NFIA: variants seen among roughly 807,000 people sequenced by gnomAD.
The protein encoded by NFIA is nuclear factor I A.
In NFIA, 8 loss-of-function variants were observed where a neutral mutation model predicts 62.8. The observed-to-expected ratio is 0.13, with a 90% CI of 0.07 to 0.23. The LOEUF (loss-of-function observed/expected upper bound fraction) is 0.23. NFIA is among the 10% of genes least tolerant of loss of function. The pLI is 1.00. For synonymous variants in NFIA, 235 were observed against 238.1 expected (o/e 0.99, Z 0.12); for missense variants, 410 against 642.1 (o/e 0.64, Z 3.91).
chr1:61,380,852 A>C (rs951406539), intron 6 of NFIA, among the ~76,000 whole-genome samples: 1 of 152,060 alleles, frequency 6.6e-6, no homozygotes, highest in Admixed American at 6.6e-5. Flanking sequence ...AAATTTTGCT[A>C]TTTTTGAACT....
chr1:61,201,893 C>T (rs922323686), intron 2 of NFIA, among the ~76,000 whole-genome samples: 2 of 152,004 alleles, frequency 1.3e-5, no homozygotes, highest in African/African-American at 2.4e-5. Context: ...ATAAAGTATG[C>T]TGACATTGTT....
chr1:61,214,210 G>A (rs1653457824), intron 2 of NFIA, among the ~76,000 whole-genome samples: 2 of 152,138 alleles, frequency 1.3e-5, no homozygotes, highest in Admixed American at 1.3e-4. Flanking sequence ...CATCTTTGTG[G>A]TCAGGAGGGG....
chr1:61,200,164 G>A (rs1251612864), intron 2 of NFIA, among the ~76,000 whole-genome samples: 1 of 149,790 alleles, frequency 6.7e-6, no homozygotes, highest in East Asian at 2.0e-4. Flanking sequence ...ACAGCAGGAG[G>A]CAGTGCAGTC....
chr1:61,372,237 A>G (rs1380230114), intron 6 of NFIA, among the ~76,000 whole-genome samples: 1 of 152,162 alleles, frequency 6.6e-6, no homozygotes, highest in East Asian at 1.9e-4. Context: ...AAGAAACCCA[A>G]CAAAGACTAT....
intron 2 of NFIA, among the ~76,000 whole-genome samples, chr1:61,272,130 G>A (rs1372823702): frequency 6.6e-6 from 1 of 151,750 alleles, no homozygotes; most frequent in African/African-American, 2.4e-5. Context: ...ATTTAGTAAT[G>A]GTGTTACAGA....
At chr1:61,200,010 G>GTGTATA (rs1264243831) in intron 2 of NFIA, among the ~76,000 whole-genome samples, 2 of 52,828 alleles carry the variant, frequency 3.8e-5, no homozygotes, top group Non-Finnish European at 7.8e-5. Flanking sequence ...ATATATATAT[G>GTGTATA]TATATATATA....
At chr1:61,408,757 TACTA>T (rs889840202) in intron 9 of NFIA, among the ~76,000 whole-genome samples, 5 of 152,336 alleles carry the variant, frequency 3.3e-5, no homozygotes, top group African/African-American at 4.8e-5. Context: ...CCTTTCAAAT[TACTA>T]ACTGTGTTTC....
intron 2 of NFIA, among the ~76,000 whole-genome samples, chr1:61,239,598 T>A (rs1327177547): frequency 6.6e-6 from 1 of 152,140 alleles, no homozygotes; most frequent in Non-Finnish European, 1.5e-5. Context: ...TAAAATTGTG[T>A]TTGTAAGGTG....
intron 2 of NFIA, among the ~76,000 whole-genome samples, chr1:61,219,860 G>A (rs917049712): frequency 1.3e-5 from 2 of 152,180 alleles, no homozygotes; most frequent in Non-Finnish European, 2.9e-5. Context: ...CTACTCAGGA[G>A]GCTGAGGCAG....
At chr1:61,190,422 C>A (rs1651538267) in intron 2 of NFIA, among the ~76,000 whole-genome samples, 1 of 152,204 alleles carries the variant, frequency 6.6e-6, no homozygotes, top group Admixed American at 6.5e-5. Context: ...AGGCCATGTT[C>A]CTGAGTTGTG....
chr1:61,082,923 C>A, intron 1 of NFIA, 105 bp downstream of exon 1: 3 of 1,011,386 alleles, frequency 3.0e-6, no homozygotes, highest in Non-Finnish European at 3.7e-6. Flanking sequence ...GGGCCCAGGG[C>A]GTGCGTCTCG....
At chr1:61,175,960 C>T (rs949607975) in intron 2 of NFIA, among the ~76,000 whole-genome samples, 6 of 152,122 alleles carry the variant, frequency 3.9e-5, no homozygotes, top group Admixed American at 1.3e-4. Flanking sequence ...CAGAGTGCCC[C>T]GGGCTATCTT....
At position 61,289,300 on chromosome 1, in the gene NFIA, C is replaced by T. The variant is rs139846159; in HGVS notation, c.625+11715C>T. On this transcript the variant is annotated intron_variant, in intron 3 of 10. Coordinates refer to ENST00000403491, the MANE Select transcript of NFIA (RefSeq NM_001134673.4). ...CCTTGCAACAGGTGGTCAGGGTGGACCATTTTTATTCATGGCCACCAGAGC... is the reference window on the plus strand; with the variant it reads ...CCTTGCAACAGGTGGTCAGGGTGGATCATTTTTATTCATGGCCACCAGAGC... Among the ~76,000 whole-genome samples, 449 of 152,234 alleles carry T rather than the reference C, an allele frequency of 2.9e-3. 2 individuals carry two copies. The highest frequency in any genetic ancestry group is 0.01 in the African/African-American group (430 of 41,550).
At chr1:61,184,261 C>T (rs1432217054) in intron 2 of NFIA, among the ~76,000 whole-genome samples, 2 of 152,202 alleles carry the variant, frequency 1.3e-5, no homozygotes, top group Admixed American at 1.3e-4. Context: ...CAGTGAAGGG[C>T]GACGTTCCGC....
At chr1:61,342,487 A>G (rs1490447615) in intron 4 of NFIA, among the ~76,000 whole-genome samples, 1 of 152,198 alleles carries the variant, frequency 6.6e-6, no homozygotes, top group Non-Finnish European at 1.5e-5. Context: ...TGATACTCTA[A>G]AATGCAGAAA....
chr1:61,157,744 G>T (rs763712313), intron 2 of NFIA, among the ~76,000 whole-genome samples: 1 of 152,150 alleles, frequency 6.6e-6, no homozygotes, highest in Admixed American at 6.6e-5. Flanking sequence ...GACTCCTTCA[G>T]ACCAACCACA....
intron 2 of NFIA, among the ~76,000 whole-genome samples, chr1:61,260,869 T>C (rs887934658): frequency 1.3e-5 from 2 of 152,188 alleles, no homozygotes; most frequent in African/African-American, 4.8e-5. Context: ...CGTGAGCCCC[T>C]GCGCCCGGCC....
chr1:61,161,163 C>T (rs1210291082), intron 2 of NFIA, among the ~76,000 whole-genome samples: 1 of 152,226 alleles, frequency 6.6e-6, no homozygotes, highest in African/African-American at 2.4e-5. Context: ...GATCCGTCCA[C>T]CTTGGCCTCC....
intron 3 of NFIA, among the ~76,000 whole-genome samples, chr1:61,307,329 G>A (rs1377984064): frequency 2.0e-5 from 3 of 152,188 alleles, no homozygotes; most frequent in Admixed American, 6.5e-5. Context: ...GCCACGTGAG[G>A]ATGTGGACGG....
Sources: gnomAD v4.1 joint callset for allele counts (sites outside exome capture counted in the v4.1 genomes callset) on GRCh38, gnomAD v4.1.1 for gene constraint, MANE v1.5 for transcripts, NCBI Gene and HGNC (gene_info 2026-07-23, HGNC 2026-07-21) for gene names.